Variants in C5 observed in about 807,000 individuals in gnomAD.
The protein encoded by C5 is complement C5.
In C5, 140 loss-of-function variants were observed where a neutral mutation model predicts 218.8. That is an observed-to-expected ratio of 0.64 (90% CI 0.56 to 0.74). C5 has a LOEUF of 0.74. Among genes scored for constraint, C5 ranks in the 30% least tolerant of loss-of-function variants. The pLI, the probability that C5 is intolerant of heterozygous loss-of-function variation, is 0.00. For missense variants in C5, 1,700 were observed against 1,969.6 expected (o/e 0.86, Z 2.59); for synonymous variants, 614 against 682.3 (o/e 0.90, Z 1.56).
At chr9:121,049,331 C>T (rs147792569) in intron 1 of C5, among the ~76,000 whole-genome samples, 1 of 152,266 alleles carries the variant, frequency 6.6e-6, no homozygotes, top group Non-Finnish European at 1.5e-5. Context: ...TAAGCCTTAG[C>T]TGCTCGTCTT....
At chr9:121,035,359 T>C (rs1186097495) in intron 4 of C5, among the ~76,000 whole-genome samples, 3 of 152,368 alleles carry the variant, frequency 2.0e-5, no homozygotes, top group Non-Finnish European at 2.9e-5. Context: ...TATAAATGTA[T>C]AGTATGGGCA....
chr9:120,961,158 G>C (rs1005499035), intron 37 of C5, among the ~76,000 whole-genome samples: 1 of 152,294 alleles, frequency 6.6e-6, no homozygotes, highest in African/African-American at 2.4e-5. Context: ...ACAGAAGCTA[G>C]TGGTTCAGTG....
chr9:120,985,647 T>C (rs576105364), intron 25 of C5, among the ~76,000 whole-genome samples: 12 of 152,314 alleles, frequency 7.9e-5, no homozygotes, highest in Non-Finnish European at 1.6e-4. Flanking sequence ...TATTTACCTA[T>C]ACTACTAGAT....
At chr9:120,997,897 G>A in intron 20 of C5, 123 bp from the exon 21 acceptor site, 1 of 736,844 alleles carries the variant, frequency 1.4e-6, no homozygotes, top group Admixed American at 2.2e-5. Flanking sequence ...CCGCCTCCCG[G>A]ATTCAAGCAA....
At chr9:121,002,795 G>A (rs2047183145) in intron 20 of C5, among the ~76,000 whole-genome samples, 1 of 152,112 alleles carries the variant, frequency 6.6e-6, no homozygotes, top group Admixed American at 6.5e-5. Flanking sequence ...AAGAAATAAT[G>A]TAAAGGCAAC....
At chr9:120,965,565 A>AAAG (rs2046861313) in intron 33 of C5, among the ~76,000 whole-genome samples, 1 of 148,836 alleles carries the variant, frequency 6.7e-6, no homozygotes. Context: ...AATAAATAAA[A>AAAG]GCAGTCCCCA....
intron 39 of C5, 53 bp downstream of exon 39, chr9:120,957,232 T>C: frequency 8.6e-7 from 1 of 1,167,270 alleles, no homozygotes; most frequent in East Asian, 2.4e-5. Context: ...TGGCACATAG[T>C]CAGTACTAAA....
At chr9:120,981,217 A>G (rs1008207002) in intron 27 of C5, among the ~76,000 whole-genome samples, 2 of 152,184 alleles carry the variant, frequency 1.3e-5, no homozygotes, top group African/African-American at 4.8e-5. Flanking sequence ...ACTAGTCTTC[A>G]TTGATTATTT....
At chr9:120,965,804 C>T (rs1252457860) in intron 33 of C5, among the ~76,000 whole-genome samples, 1 of 152,070 alleles carries the variant, frequency 6.6e-6, no homozygotes, top group African/African-American at 2.4e-5. Flanking sequence ...AAGGGCCTCC[C>T]GAGTGGAGAG....
chr9:121,060,025 G>T, the C5 span, among the ~76,000 whole-genome samples: 2 of 152,218 alleles, frequency 1.3e-5, no homozygotes, highest in African/African-American at 4.8e-5. Flanking sequence ...ACGTCATTAA[G>T]TTTGGGGGAA....
At chr9:121,000,066 A>AC (rs2047148680) in intron 20 of C5, 1 of 283,564 alleles carries the variant, frequency 3.5e-6, no homozygotes, top group African/African-American at 2.3e-5. Flanking sequence ...CTCAAAAAAA[A>AC]AAAAAATGCT....
rs2046940869 is a variant in C5, at chr9:120,974,822, T to C, written c.3974A>G (p.Asn1325Ser). The stretch of plus-strand genomic sequence containing the variant: ...GAAATTCTTGTCTGTCATTTTATAA[T>C]TATGTAAGGCACCTTTATGCTTGTA... ...VSYKHKGALH[N>S]YKMTDKNFLG... The change falls in exon 30 of 41, where the codon AAT becomes AGT. Residue 1325 changes from asparagine (N) to serine (S), a missense_variant. Transcript: ENST00000223642. 11 of 1,614,066 alleles carry C rather than the reference T, an allele frequency of 6.8e-6. No individual in the cohort carries two copies. The East Asian group carries it at 2.5e-4, about 36-fold the overall frequency.
At chr9:121,014,579 T>C (rs186562280) in intron 16 of C5, among the ~76,000 whole-genome samples, 17 of 152,318 alleles carry the variant, frequency 1.1e-4, no homozygotes, top group Non-Finnish European at 2.2e-4. Context: ...TCAATGTCTC[T>C]CTTTTCATAT....
At chr9:120,977,290 A>G (rs2046960739) in intron 28 of C5, among the ~76,000 whole-genome samples, 1 of 152,228 alleles carries the variant, frequency 6.6e-6, no homozygotes, top group Non-Finnish European at 1.5e-5. Flanking sequence ...AGCTGTGTGT[A>G]AAGTATATAT....
intron 22 of C5, among the ~76,000 whole-genome samples, chr9:120,995,407 T>C (rs969664701): frequency 1.3e-5 from 2 of 152,182 alleles, no homozygotes; most frequent in African/African-American, 4.8e-5. Context: ...ATTTCATAAA[T>C]ACATGTATAT....
the C5 span, among the ~76,000 whole-genome samples, chr9:121,058,123 C>A: frequency 6.6e-6 from 1 of 152,308 alleles, no homozygotes; most frequent in African/African-American, 2.4e-5. Flanking sequence ...CTTTAAGGAG[C>A]TTATCCAAAT....
At chr9:121,009,068 C>T (rs1298513483) in intron 17 of C5, among the ~76,000 whole-genome samples, 6 of 152,050 alleles carry the variant, frequency 3.9e-5, no homozygotes, top group African/African-American at 1.4e-4. Flanking sequence ...TGAGATTATA[C>T]AAGATATCGA....
At chr9:121,048,872 A>G (rs1056643518) in intron 1 of C5, among the ~76,000 whole-genome samples, 7 of 152,214 alleles carry the variant, frequency 4.6e-5, no homozygotes, top group Non-Finnish European at 2.9e-5. Context: ...GTTTGAGTGC[A>G]GCCTCCTTAA....
At chr9:121,061,181 C>CG in the C5 span, among the ~76,000 whole-genome samples, 1 of 147,394 alleles carries the variant, frequency 6.8e-6, no homozygotes, top group Non-Finnish European at 1.5e-5. Context: ...CAGCGAGACT[C>CG]TGTCTCAAAA....
Sources: gnomAD v4.1 joint callset for allele counts (sites outside exome capture counted in the v4.1 genomes callset) on GRCh38, gnomAD v4.1.1 for gene constraint, MANE v1.5 for transcripts, NCBI Gene and HGNC (gene_info 2026-07-23, HGNC 2026-07-21) for gene names.